The following SYMPK variants were observed in gnomAD, a reference collection of about 807,000 sequenced individuals.
The protein encoded by SYMPK is symplekin.
SYMPK carries 49 observed loss-of-function variants against 136.4 expected under a neutral mutation model. The ratio of observed to expected loss-of-function variants is 0.36; its 90% CI spans 0.29 to 0.46. The LOEUF (loss-of-function observed/expected upper bound fraction) is 0.46, where lower values mean the gene tolerates loss of function less well. Among genes scored for constraint, SYMPK ranks in the 20% least tolerant of loss-of-function variants. The probability of loss-of-function intolerance (pLI) is 1.00; values close to 1 mark genes in which losing one functional copy is unlikely to be tolerated. For synonymous variants in SYMPK, 766 were observed against 713.0 expected (o/e 1.07, Z -1.19); for missense variants, 1,365 against 1,690.0 (o/e 0.81, Z 3.37).
chr19:45,835,376 G>A, intron 10 of SYMPK, 148 bp from the exon 11 acceptor site: 3 of 706,470 alleles, frequency 4.2e-6, no homozygotes, highest in Non-Finnish European at 6.5e-6. Flanking sequence ...GGAAGTCACA[G>A]AGAAAACAAA....
rs540054802 is a variant in SYMPK, at chr19:45,848,871, C to T, written c.305G>A (p.Arg102Gln). Residue 102 changes from arginine to glutamine, a missense_variant, in exon 6 of 27, where the codon CGA becomes CAA. Around this residue, in one of 11 missense-constraint regions of SYMPK, gnomAD observed 237 missense variants for 292.9 expected, o/e 0.81. Coordinates refer to ENST00000245934, the MANE Select transcript of SYMPK (RefSeq NM_004819.3). ...GAGTTTCAGCAGCAACTCAATGTCT[C>T]GCTTGCTGAGGGATGGAGAAAAAAG... ...VIGFIEEACKRDIELLLKLIA... is the reference protein window; with the variant it reads ...VIGFIEEACKQDIELLLKLIA... 6.8e-6 allele frequency: 11 copies of T among 1,613,882 alleles called. No individual in the cohort carries two copies. Among genetic ancestry groups the T allele is most frequent in the Admixed American group, 5.0e-5 (3 of 59,990 alleles).
Position 45,854,709 on chromosome 19 carries a change from A to AGACT in SYMPK, c.-12-206_-12-203dup, listed in dbSNP as rs1971780155. 3 of 554,694 alleles carry AGACT rather than the reference A, an allele frequency of 5.4e-6. No individual in the cohort carries two copies. The Admixed American group carries it at 9.2e-5, about 17-fold the overall frequency. The allele number at this position is 554,694 out of a possible 1,614,324, so 34.4% of individuals were successfully genotyped here. The stretch of plus-strand genomic sequence containing the variant: ...GTGCACGGGGCCTGTAACTTGGGGG[A>AGACT]GACTGACATCTCCCAAGGCAGAGCC... On this transcript the variant is annotated intron_variant, in intron 1 of 26. Coordinates refer to ENST00000245934, the MANE Select transcript of SYMPK (RefSeq NM_004819.3).
chr19:45,840,183 C>T lies in SYMPK; in HGVS notation c.1088-1568G>A, dbSNP rs952211916. Among the ~76,000 whole-genome samples, 8 of 151,216 alleles carry T rather than the reference C, an allele frequency of 5.3e-5. No individual in the cohort carries two copies. In the South Asian group the frequency reaches 1.0e-3, roughly 20 times the overall value. ...CAAAAAAATTGGTCAGATATGATGG[C>T]GCGCACCAGTAGCCCCAGCTACTCG... is the stretch of plus-strand genomic sequence containing the variant. On this transcript the variant is annotated intron_variant, in intron 9 of 26. Transcript: ENST00000245934.
intron 5 of SYMPK, among the ~76,000 whole-genome samples, chr19:45,849,077 A>G (rs1971635236): frequency 6.6e-6 from 1 of 151,778 alleles, no homozygotes; most frequent in Admixed American, 6.6e-5. Flanking sequence ...TGTAACACCA[A>G]CTCCTTTGCT....
intron 7 of SYMPK, among the ~76,000 whole-genome samples, chr19:45,847,267 T>A (rs528237251): frequency 2.6e-4 from 40 of 151,958 alleles, no homozygotes; most frequent in Non-Finnish European, 5.0e-4. Flanking sequence ...AAATAATTTT[T>A]AAAAAAATTG....
intron 7 of SYMPK, among the ~76,000 whole-genome samples, chr19:45,847,190 G>T (rs559389234): frequency 1.3e-5 from 2 of 152,084 alleles, no homozygotes; most frequent in Non-Finnish European, 2.9e-5. Context: ...AGGCCAAGGC[G>T]GGCGGATCAC....
chr19:45,818,260 T>C, intron 22 of SYMPK, 114 bp from the exon 23 acceptor site: 1 of 1,134,750 alleles, frequency 8.8e-7, no homozygotes. Flanking sequence ...AAGCCCTGAC[T>C]TCTAAAGCCC....
intron 13 of SYMPK, 22 bp from the exon 14 acceptor site, chr19:45,829,227 A>G (rs764365179): frequency 6.2e-7 from 1 of 1,606,682 alleles, no homozygotes; most frequent in East Asian, 2.2e-5. Flanking sequence ...GTGAGCCAGC[A>G]TGTCAGTGTA....
chr19:45,816,435 G>C lies in SYMPK; in HGVS notation c.3354+47C>G, dbSNP rs762360030. ...GGTGAGCCTTGCTGGCTTGGGGTAG[G>C]GGGTGGGAGTCTGGGGATCCAGATG... is the stretch of plus-strand genomic sequence containing the variant. On this transcript the variant is annotated intron_variant, in intron 25 of 26. Coordinates refer to ENST00000245934, the MANE Select transcript of SYMPK (RefSeq NM_004819.3). 7.0e-6 allele frequency: 11 copies of C among 1,579,366 alleles called. No individual in the cohort carries two copies. The South Asian group carries it at 9.0e-5, about 13-fold the overall frequency.
intron 3 of SYMPK, among the ~76,000 whole-genome samples, chr19:45,853,133 G>A (rs1971734831): frequency 6.6e-6 from 1 of 152,194 alleles, no homozygotes; most frequent in Non-Finnish European, 1.5e-5. Context: ...ACCCATGGGG[G>A]AGGCACCAGG....
intron 9 of SYMPK, among the ~76,000 whole-genome samples, chr19:45,839,242 G>C (rs77799462): frequency 6.6e-6 from 1 of 151,938 alleles, no homozygotes; most frequent in African/African-American, 2.4e-5. Flanking sequence ...ATGTACACTC[G>C]GTACCTAAGG....
intron 9 of SYMPK, among the ~76,000 whole-genome samples, chr19:45,839,027 T>A (rs943490380): frequency 6.6e-5 from 10 of 152,172 alleles, no homozygotes; most frequent in African/African-American, 2.4e-4. Context: ...ACTGGGATTA[T>A]AGGCATGCGC....
rs1971607766 is a variant in SYMPK at position 45,847,955 on chromosome 19, C to T, written c.473G>A (p.Trp158Ter). The T allele has an allele frequency of 1.2e-6, 2 of 1,608,202 alleles. No homozygotes were observed. Among genetic ancestry groups the T allele is most frequent in the Admixed American group, 1.7e-5 (1 of 59,742 alleles). Residue 158 changes from tryptophan (W) to a stop codon, truncating the protein, a stop_gained, in exon 7 of 27, where the codon TGG (tryptophan) becomes TAG (stop). Coordinates refer to ENST00000245934, the MANE Select transcript of SYMPK (RefSeq NM_004819.3). LOFTEE classifies it high-confidence loss of function. ...CCCCGCCATGGCAGATACCATGTCCCAGCAGGCCTCCTGTAGCTCGCTAAT... is the reference window on the plus strand; with the variant it reads ...CCCCGCCATGGCAGATACCATGTCCTAGCAGGCCTCCTGTAGCTCGCTAAT... ...RVISELQEAC[W>*]DMVSAMAGDI...
In SYMPK at chr19:45,815,945, C is replaced by A. The variant is rs768778382; in HGVS notation, c.3593G>T (p.Cys1198Phe). 2.5e-6 allele frequency: 4 copies of A among 1,611,422 alleles called. No individual in the cohort carries two copies. The Admixed American group carries it at 6.7e-5, about 27-fold the overall frequency. Residue 1198 changes from cysteine to phenylalanine, a missense_variant, in exon 26 of 27, where the codon TGC (cysteine) becomes TTC (phenylalanine). Around this residue, in one of 11 missense-constraint regions of SYMPK, gnomAD observed 341 missense variants for 270.5 expected, o/e 1.26. Coordinates refer to ENST00000245934, the MANE Select transcript of SYMPK (RefSeq NM_004819.3). ...GCTGATGAAGATGCCCGGGGTCTCG[C>A]ACTCAGGCCCCTCCTCCCGGAAATC... ...AMDFREEGPECETPGIFISMD... is the reference protein window; with the variant it reads ...AMDFREEGPEFETPGIFISMD...
chr19:45,858,109 CG>C (rs1568628752), intron 1 of SYMPK, among the ~76,000 whole-genome samples: 2 of 151,928 alleles, frequency 1.3e-5, no homozygotes, highest in Non-Finnish European at 1.5e-5. Context: ...GAAAATGACA[CG>C]TTTTTTAAAA....
intron 7 of SYMPK, among the ~76,000 whole-genome samples, chr19:45,846,118 C>T (rs970458720): frequency 3.3e-5 from 5 of 152,180 alleles, no homozygotes. Flanking sequence ...CACCTGTGGT[C>T]CCAGCTACTC....
intron 7 of SYMPK, 79 bp downstream of exon 7, chr19:45,847,673 A>AGGGGGAGAGAGGGAGGGGCGT (rs1971597706): frequency 6.6e-7 from 1 of 1,520,048 alleles, no homozygotes; most frequent in African/African-American, 1.4e-5. Context: ...AAAAAAGACA[A>AGGGGGAGAGAGGGAGGGGCGT]GGGGGAGAGA....
intron 25 of SYMPK, 89 bp downstream of exon 25, chr19:45,816,393 G>T: frequency 6.7e-7 from 1 of 1,482,214 alleles, no homozygotes; most frequent in Non-Finnish European, 9.0e-7. Flanking sequence ...AGTCTCTCGG[G>T]GTCAGGAGGA....
intron 1 of SYMPK, among the ~76,000 whole-genome samples, chr19:45,858,734 C>T (rs1259120318): frequency 1.3e-5 from 2 of 152,136 alleles, no homozygotes; most frequent in East Asian, 1.9e-4. Context: ...AGGCTGATCT[C>T]GAACTCCCGA....
Sources: allele counts gnomAD v4.1 joint callset (sites outside exome capture counted in the v4.1 genomes callset), GRCh38; gene constraint gnomAD v4.1.1; regional missense constraint gnomAD v4.1.1; transcripts MANE v1.5; gene names NCBI Gene and HGNC (gene_info 2026-07-23, HGNC 2026-07-21).